USP34: variants seen among roughly 807,000 people sequenced by gnomAD.
USP34 encodes the protein ubiquitin carboxyl-terminal hydrolase 34.
USP34 carries 70 observed loss-of-function variants against 460.3 expected under a neutral mutation model. The observed-to-expected ratio is 0.15, with a 90% CI of 0.13 to 0.19. The LOEUF (loss-of-function observed/expected upper bound fraction) is 0.19, where lower values mean the gene tolerates loss of function less well. Among genes scored for constraint, USP34 ranks in the 10% least tolerant of loss-of-function variants. The pLI is 1.00. For missense variants in USP34, 3,985 were observed against 4,236.2 expected (o/e 0.94, Z 1.65); for synonymous variants, 1,647 against 1,405.3 (o/e 1.17, Z -3.85).
chr2:61,269,446 G>T (rs1021067358), intron 41 of USP34, among the ~76,000 whole-genome samples: 3 of 151,674 alleles, frequency 2.0e-5, no homozygotes, highest in African/African-American at 7.3e-5. Context: ...GATTACAGTT[G>T]AGAGTTTATA....
At chr2:61,232,863 C>G (rs896678605) in intron 57 of USP34, among the ~76,000 whole-genome samples, 12 of 104,232 alleles carry the variant, frequency 1.2e-4, no homozygotes, top group African/African-American at 4.0e-4. Flanking sequence ...TATATATTCC[C>G]CCCCCCCTTT....
At chr2:61,341,111 AG>A (rs756643189) in intron 16 of USP34, among the ~76,000 whole-genome samples, 1 of 152,102 alleles carries the variant, frequency 6.6e-6, no homozygotes, top group Non-Finnish European at 1.5e-5. Context: ...TTCTATTTCT[AG>A]CTTCTTTTGC....
At chr2:61,356,053 A>G (rs1274479611) in intron 10 of USP34, among the ~76,000 whole-genome samples, 1 of 152,136 alleles carries the variant, frequency 6.6e-6, no homozygotes, top group Non-Finnish European at 1.5e-5. Context: ...ACTCCTAGGT[A>G]TATGTCTAAA....
At chr2:61,375,626 G>C (rs747543565) in intron 8 of USP34, among the ~76,000 whole-genome samples, 1 of 151,770 alleles carries the variant, frequency 6.6e-6, no homozygotes, top group African/African-American at 2.4e-5. Context: ...AAAATTAGCC[G>C]GAAGTGGTGG....
chr2:61,337,865 G>C (rs1691471429), intron 18 of USP34, among the ~76,000 whole-genome samples: 1 of 151,988 alleles, frequency 6.6e-6, no homozygotes, highest in Non-Finnish European at 1.5e-5. Flanking sequence ...TGGGTCAGAG[G>C]GTATGCAGAT....
chr2:61,375,413 A>G (rs1431746020), intron 8 of USP34, among the ~76,000 whole-genome samples: 1 of 152,190 alleles, frequency 6.6e-6, no homozygotes, highest in East Asian at 1.9e-4. Context: ...TGAAAAATGA[A>G]AACATATGAT....
At chr2:61,410,309 A>T (rs906217135) in intron 2 of USP34, among the ~76,000 whole-genome samples, 1 of 152,212 alleles carries the variant, frequency 6.6e-6, no homozygotes, top group African/African-American at 2.4e-5. Context: ...AAAAGTGTGC[A>T]ACCTAGATCC....
intron 16 of USP34, among the ~76,000 whole-genome samples, chr2:61,340,180 T>C (rs900727750): frequency 2.0e-5 from 3 of 149,446 alleles, no homozygotes; most frequent in Admixed American, 6.7e-5. Flanking sequence ...AAATGACCTA[T>C]ATAATCTTTT....
chr2:61,262,696 A>G (rs935064996), intron 43 of USP34, among the ~76,000 whole-genome samples: 2 of 152,160 alleles, frequency 1.3e-5, no homozygotes, highest in Non-Finnish European at 2.9e-5. Flanking sequence ...CTTTGGGTAT[A>G]TACCCAATGG....
intron 10 of USP34, among the ~76,000 whole-genome samples, chr2:61,366,064 T>G (rs1223176653): frequency 1.3e-5 from 2 of 152,144 alleles, no homozygotes; most frequent in African/African-American, 4.8e-5. Context: ...TAGCTGGGAT[T>G]ACAGGCATGC....
chr2:61,342,608 A>T (rs1375430521), intron 16 of USP34, among the ~76,000 whole-genome samples: 3 of 151,890 alleles, frequency 2.0e-5, no homozygotes, highest in African/African-American at 4.8e-5. Flanking sequence ...CACCATGCCC[A>T]GCCCTTATTG....
chr2:61,224,536 T>A (rs112998877), intron 62 of USP34, among the ~76,000 whole-genome samples: 644 of 152,350 alleles, frequency 4.2e-3, no homozygotes, highest in Non-Finnish European at 7.2e-3. Flanking sequence ...CTAATTCCAA[T>A]TGTCCTTGCT....
At chr2:61,308,168 A>C (rs1690472710) in intron 27 of USP34, among the ~76,000 whole-genome samples, 1 of 152,234 alleles carries the variant, frequency 6.6e-6, no homozygotes, top group South Asian at 2.1e-4. Flanking sequence ...GTGCTAAAAG[A>C]GAAAATGAAG....
intron 7 of USP34, 25 bp downstream of exon 7, chr2:61,380,144 C>T (rs1692928571): frequency 6.3e-7 from 1 of 1,595,138 alleles, no homozygotes; most frequent in South Asian, 1.1e-5. Context: ...AAACGATGAC[C>T]AAAAATAAAA....
intron 25 of USP34, among the ~76,000 whole-genome samples, chr2:61,313,623 T>G (rs926956329): frequency 2.6e-5 from 4 of 152,124 alleles, no homozygotes; most frequent in Non-Finnish European, 4.4e-5. Flanking sequence ...TTTATTTTTT[T>G]AAGTGGTTAA....
rs947548040 is a variant in USP34 at position 61,383,336 on chromosome 2, T to C, written c.754A>G (p.Ile252Val). ...GCGGGAATATGTAGCCATATTCTAA[T>C]CTATATAAGAAACATAAAAACAACA... ...AHAFITVVSN[I>V]RIWLHIPAVM... The change falls in exon 6 of 80, where the codon ATT becomes GTT. Residue 252 changes from isoleucine to valine, a missense_variant and splice_region_variant. Physicochemically the swap from Ile to Val is conservative, Grantham distance 29. Coordinates refer to ENST00000398571, the MANE Select transcript of USP34 (RefSeq NM_014709.4). 1 of 1,597,530 alleles carries C rather than the reference T, an allele frequency of 6.3e-7. No homozygotes were observed. The highest frequency in any genetic ancestry group is 1.7e-5 in the Admixed American group (1 of 58,950).
chr2:61,309,031 TCAAAAA>T (rs1279968847), intron 27 of USP34, among the ~76,000 whole-genome samples: 3 of 151,334 alleles, frequency 2.0e-5, no homozygotes, highest in African/African-American at 7.3e-5. Context: ...GGAGACTATC[TCAAAAA>T]CAACAACAAC....
intron 25 of USP34, 47 bp downstream of exon 25, chr2:61,314,538 G>T: frequency 1.5e-6 from 2 of 1,369,896 alleles, no homozygotes; most frequent in South Asian, 2.2e-5. Context: ...GATATGTCAG[G>T]AATAAAAATG....
intron 41 of USP34, among the ~76,000 whole-genome samples, chr2:61,276,056 TCAAATACAAA>T (rs1356229593): frequency 6.6e-6 from 1 of 151,908 alleles, no homozygotes; most frequent in Non-Finnish European, 1.5e-5. Flanking sequence ...CAAATAAATA[TCAAATACAAA>T]CAATAAGTAA....
Sources: gnomAD v4.1 joint callset for allele counts (sites outside exome capture counted in the v4.1 genomes callset) on GRCh38, gnomAD v4.1.1 for gene constraint, MANE v1.5 for transcripts, NCBI Gene and HGNC (gene_info 2026-07-23, HGNC 2026-07-21) for gene names.